ARV1: variants seen among roughly 807,000 people sequenced by gnomAD.
ARV1 encodes the protein ARV1 fatty acid homeostasis modulator.
Under a neutral mutation model 31.1 loss-of-function variants are expected in ARV1, and 26 were observed. The observed-to-expected ratio is 0.84, with a 90% CI of 0.61 to 1.16. The LOEUF (loss-of-function observed/expected upper bound fraction) is 1.16, where lower values mean the gene tolerates loss of function less well. Among genes scored for constraint, ARV1 ranks in the 50% most tolerant of loss-of-function variants. ARV1 has a pLI of 0.00. For synonymous variants in ARV1, 117 were observed against 123.2 expected (o/e 0.95, Z 0.34); for missense variants, 281 against 324.9 (o/e 0.86, Z 1.04).
intron 5 of ARV1, among the ~76,000 whole-genome samples, chr1:230,999,153 C>T (rs575239669): frequency 6.6e-6 from 1 of 152,188 alleles, no homozygotes; most frequent in Non-Finnish European, 1.5e-5. Context: ...ATACCTCCAG[C>T]TTCCCCTCTC....
At chr1:230,984,343 CGTGTGTGTGTGTGTGTGTGCGT>C (rs1331291788) in intron 1 of ARV1, among the ~76,000 whole-genome samples, 56 of 119,324 alleles carry the variant, frequency 4.7e-4, no homozygotes, top group Admixed American at 2.0e-3. Flanking sequence ...TTGTTTGTTT[CGTGTGTGTGTGTGTGTGTGCGT>C]GTGTGTGTGT....
At chr1:230,984,355 T>TGTGTGC (rs1678993553) in intron 1 of ARV1, among the ~76,000 whole-genome samples, 4 of 66,162 alleles carry the variant, frequency 6.0e-5, no homozygotes, top group African/African-American at 2.6e-4. Flanking sequence ...TGTGTGTGTG[T>TGTGTGC]GTGTGTGCGT....
chr1:230,986,164 C>T (rs189633777), intron 1 of ARV1, among the ~76,000 whole-genome samples: 40 of 152,102 alleles, frequency 2.6e-4, no homozygotes, highest in African/African-American at 9.4e-4. Context: ...CCTCGTGATC[C>T]ACCTGCCTCG....
intron 2 of ARV1, 39 bp downstream of exon 2, chr1:230,988,478 G>A (rs1006871045): frequency 6.4e-6 from 9 of 1,414,428 alleles, no homozygotes; most frequent in African/African-American, 2.9e-5. Flanking sequence ...TTTATTTGAT[G>A]CTGTTACATT....
chr1:230,986,709 G>A (rs1478226216), intron 1 of ARV1, among the ~76,000 whole-genome samples: 2 of 88,138 alleles, frequency 2.3e-5, no homozygotes, highest in Non-Finnish European at 4.2e-5. Flanking sequence ...TTTTTTTTGA[G>A]AGAGAGAGAC....
Position 231,000,627 on chromosome 1 carries a change from G to T in ARV1, c.*494G>T, listed in dbSNP as rs1679501581. 1 of 152,106 alleles carries T rather than the reference G, an allele frequency of 6.6e-6. No individual in the cohort carries two copies. The highest frequency in any genetic ancestry group is 2.4e-5 in the African/African-American group (1 of 41,414). 9.4% of individuals were successfully genotyped at this position (152,106 alleles called of 1,614,324 possible). A position where few individuals can be genotyped will look rare whatever the true frequency, so the allele number is the denominator to read the frequency against. On this transcript the variant is annotated 3_prime_UTR_variant, in exon 6 of 6. Transcript: ENST00000310256. ...GTAAATTTTCAATTCAATAATTAAG[G>T]TAATCTTTAAAATTGGATGATCCAA...
intron 3 of ARV1, among the ~76,000 whole-genome samples, chr1:230,995,093 C>T (rs1679324189): frequency 6.6e-6 from 1 of 152,138 alleles, no homozygotes; most frequent in African/African-American, 2.4e-5. Context: ...AAAATTACAG[C>T]ACAGTTAAAA....
At chr1:230,984,904 GTACCT>G (rs1257731798) in intron 1 of ARV1, among the ~76,000 whole-genome samples, 1 of 152,176 alleles carries the variant, frequency 6.6e-6, no homozygotes, top group African/African-American at 2.4e-5. Context: ...GTTGGTGTTA[GTACCT>G]TATCAGTTAA....
At chr1:230,984,220 A>C (rs1678986326) in intron 1 of ARV1, among the ~76,000 whole-genome samples, 1 of 152,196 alleles carries the variant, frequency 6.6e-6, no homozygotes, top group South Asian at 2.1e-4. Context: ...ACTGCACTCC[A>C]GGCCTAGGCG....
intron 1 of ARV1, among the ~76,000 whole-genome samples, chr1:230,981,548 A>G (rs1014465677): frequency 5.3e-5 from 8 of 152,202 alleles, no homozygotes; most frequent in Admixed American, 3.3e-4. Flanking sequence ...TCCTGCTGCT[A>G]CAATCCTCAT....
chr1:230,995,842 T>C lies in ARV1; in HGVS notation c.531T>C (p.Ile177=). The change falls in exon 4 of 6, where the codon ATT becomes ATC. Residue 177 remains isoleucine, a synonymous_variant. Coordinates refer to ENST00000310256, the MANE Select transcript of ARV1 (RefSeq NM_022786.3). Reference sequence around the variant, plus strand: ...CGGCAAAAAAAAAGCCCAACTTCATTTTGCTGCTGAAAGCATTATTATTAT... The same window carrying C: ...CGGCAAAAAAAAAGCCCAACTTCATCTTGCTGCTGAAAGCATTATTATTAT... The part of the protein sequence containing the change: ...PMTAKKKPNF[I]LLLKALLLSS... 1 of 1,614,148 alleles carries C rather than the reference T, an allele frequency of 6.2e-7. No individual in the cohort carries two copies. The highest frequency in any genetic ancestry group is 8.5e-7 in the Non-Finnish European group (1 of 1,180,016).
chr1:230,996,448 A>G (rs1391365769), intron 4 of ARV1, among the ~76,000 whole-genome samples: 1 of 151,810 alleles, frequency 6.6e-6, no homozygotes, highest in Non-Finnish European at 1.5e-5. Context: ...ATTTATTTTT[A>G]TTTTATTTAT....
intron 3 of ARV1, among the ~76,000 whole-genome samples, chr1:230,995,168 A>G (rs1191471408): frequency 2.6e-5 from 4 of 152,240 alleles, no homozygotes; most frequent in East Asian, 1.9e-4. Context: ...CATAGGACAC[A>G]GTGGAACTAT....
intron 1 of ARV1, among the ~76,000 whole-genome samples, chr1:230,986,084 T>C (rs892454228): frequency 7.3e-6 from 1 of 136,676 alleles, no homozygotes; most frequent in African/African-American, 2.7e-5. Flanking sequence ...GCCCTCCTAA[T>C]CTTTTTGTAT....
chr1:230,983,296 C>A (rs1678963452), intron 1 of ARV1, among the ~76,000 whole-genome samples: 1 of 151,520 alleles, frequency 6.6e-6, no homozygotes, highest in African/African-American at 2.4e-5. Context: ...CTTGTAATCC[C>A]AGCTACTCGG....
chr1:230,997,637 C>T (rs112022117), intron 5 of ARV1, among the ~76,000 whole-genome samples: 19 of 152,158 alleles, frequency 1.2e-4, no homozygotes, highest in Admixed American at 1.0e-3. Flanking sequence ...CTGCCTTTCT[C>T]ACCTCTTAGT....
chr1:230,995,681 G>A, intron 3 of ARV1, 79 bp from the exon 4 acceptor site: 4 of 1,058,386 alleles, frequency 3.8e-6, no homozygotes, highest in Non-Finnish European at 2.8e-6. Flanking sequence ...CTGTATTTTA[G>A]AATGGTGGTT....
chr1:230,989,981 A>G (rs781530077), intron 2 of ARV1, 129 bp from the exon 3 acceptor site: 14 of 886,324 alleles, frequency 1.6e-5, no homozygotes, highest in Non-Finnish European at 2.4e-5. Context: ...GACTACAATT[A>G]GCCACTTAAT....
intron 3 of ARV1, 132 bp from the exon 4 acceptor site, chr1:230,995,628 T>G: frequency 1.5e-6 from 1 of 665,166 alleles, no homozygotes. Context: ...GAAAAAGAGA[T>G]TGTGATCTTG....
Sources: allele counts gnomAD v4.1 joint callset (sites outside exome capture counted in the v4.1 genomes callset), GRCh38; gene constraint gnomAD v4.1.1; transcripts MANE v1.5; gene names NCBI Gene and HGNC (gene_info 2026-07-23, HGNC 2026-07-21).